The following CYYR1 variants were observed in gnomAD, a reference collection of about 807,000 sequenced individuals.
CYYR1 encodes cysteine and tyrosine rich 1.
A neutral mutation model predicts 15.2 loss-of-function variants in CYYR1; 14 were observed. The observed-to-expected ratio is 0.92, with a 90% CI of 0.61 to 1.44. The LOEUF (loss-of-function observed/expected upper bound fraction) is 1.44. Ranked by LOEUF, CYYR1 falls within the 40% of genes most tolerant of loss-of-function variation. The pLI, the probability that CYYR1 is intolerant of heterozygous loss-of-function variation, is 0.00. For synonymous variants in CYYR1, 80 were observed against 77.4 expected (o/e 1.03, Z -0.18); for missense variants, 228 against 209.5 (o/e 1.09, Z -0.54).
chr21:26,489,551 T>A (rs1303313843), intron 2 of CYYR1, among the ~76,000 whole-genome samples: 8 of 151,890 alleles, frequency 5.3e-5, no homozygotes, highest in African/African-American at 1.9e-4. Flanking sequence ...TTTATATACA[T>A]GCACATACAT....
intron 2 of CYYR1, among the ~76,000 whole-genome samples, chr21:26,495,206 C>A (rs1224482976): frequency 2.0e-5 from 3 of 152,114 alleles, no homozygotes; most frequent in Admixed American, 1.3e-4. Flanking sequence ...GATAGAGATT[C>A]TTCTGATCAC....
Position 26,480,304 on chromosome 21 carries a change from G to A in CYYR1, c.302C>T (p.Thr101Met), listed in dbSNP as rs143400859. 47 of 1,613,214 alleles carry A rather than the reference G, an allele frequency of 2.9e-5. 1 individual carries two copies. The highest frequency in any genetic ancestry group is 2.3e-4 in the African/African-American group (17 of 74,960). ...HRATRVGILRTTHINTVSSYP... is the reference protein window; with the variant it reads ...HRATRVGILRMTHINTVSSYP... ...GGAGGAGACGGTGTTGATGTGAGTC[G>A]TCCTGAGGATGCCCACGCGGGTCGC... Residue 101 changes from threonine to methionine, a missense_variant, in exon 3 of 4, where the codon ACG (threonine) becomes ATG (methionine). By Grantham distance (81) the Thr-to-Met change is moderately conservative (BLOSUM62 -1). Transcript: ENST00000652641.
At chr21:26,550,231 A>G (rs1370542228) in intron 2 of CYYR1, 1 of 152,194 alleles carries the variant, frequency 6.6e-6, no homozygotes, top group Non-Finnish European at 1.5e-5. Context: ...CTGCACCTGT[A>G]TAAGATGGTG....
chr21:26,478,244 G>T, intron 3 of CYYR1: 1 of 1,375,386 alleles, frequency 7.3e-7, no homozygotes, highest in African/African-American at 1.4e-5. Flanking sequence ...AGCACAAAGA[G>T]AATTGGGATG....
chr21:26,500,037 A>G (rs1049932168), intron 2 of CYYR1, among the ~76,000 whole-genome samples: 1 of 152,096 alleles, frequency 6.6e-6, no homozygotes, highest in Non-Finnish European at 1.5e-5. Context: ...GAAGTCCAAG[A>G]TCAAGGTGCT....
intron 2 of CYYR1, among the ~76,000 whole-genome samples, chr21:26,528,286 C>T (rs1262968178): frequency 6.6e-6 from 1 of 152,092 alleles, no homozygotes; most frequent in African/African-American, 2.4e-5. Flanking sequence ...TATGTGTCCC[C>T]TCCAAATCTC....
chr21:26,541,065 G>A (rs1039775669), intron 2 of CYYR1, among the ~76,000 whole-genome samples: 11 of 152,078 alleles, frequency 7.2e-5, no homozygotes, highest in Non-Finnish European at 1.3e-4. Context: ...TGACGTGAAG[G>A]TATCTCAATC....
At chr21:26,536,904 C>A (rs1193030542) in intron 2 of CYYR1, among the ~76,000 whole-genome samples, 3 of 152,164 alleles carry the variant, frequency 2.0e-5, no homozygotes, top group Non-Finnish European at 4.4e-5. Flanking sequence ...ATTTACTGAG[C>A]ACCTACTGTG....
chr21:26,495,830 A>G (rs1208737118), intron 2 of CYYR1, among the ~76,000 whole-genome samples: 2 of 152,196 alleles, frequency 1.3e-5, no homozygotes, highest in African/African-American at 2.4e-5. Flanking sequence ...TTAAAATGGG[A>G]TATCAAAGGG....
intron 2 of CYYR1, among the ~76,000 whole-genome samples, chr21:26,562,799 A>AACACAC (rs57351372): frequency 0.05 from 6,630 of 132,542 alleles, 337 homozygotes; most frequent in African/African-American, 0.11. Context: ...GACATACACA[A>AACACAC]ACACACACAC....
At chr21:26,496,283 A>T (rs2065402568) in intron 2 of CYYR1, among the ~76,000 whole-genome samples, 1 of 152,210 alleles carries the variant, frequency 6.6e-6, no homozygotes, top group Non-Finnish European at 1.5e-5. Flanking sequence ...TCTCAATAGA[A>T]ATTGGGTTAG....
intron 2 of CYYR1, among the ~76,000 whole-genome samples, chr21:26,562,757 CACAG>C (rs367980846): frequency 0.08 from 11,423 of 143,448 alleles, 525 homozygotes; most frequent in African/African-American, 0.12. Flanking sequence ...CACACACACA[CACAG>C]AGACATACAC....
chr21:26,537,427 G>A (rs1233040646), intron 2 of CYYR1, among the ~76,000 whole-genome samples: 1 of 152,186 alleles, frequency 6.6e-6, no homozygotes, highest in Non-Finnish European at 1.5e-5. Flanking sequence ...AAAGCTCTCA[G>A]TGCTTGGGCC....
chr21:26,471,187 AGAAT>A (rs1293505966), intron 3 of CYYR1: 7 of 152,226 alleles, frequency 4.6e-5, no homozygotes, highest in Non-Finnish European at 7.3e-5. Context: ...ATCCAAGCCA[AGAAT>A]GAAACACGGC....
At chr21:26,531,680 CT>C (rs2065932225) in intron 2 of CYYR1, among the ~76,000 whole-genome samples, 1 of 152,122 alleles carries the variant, frequency 6.6e-6, no homozygotes, top group African/African-American at 2.4e-5. Context: ...AATGAAACCT[CT>C]TTTCTTCATA....
In CYYR1 at chr21:26,573,071, C is replaced by T. The variant is rs775022750; in HGVS notation, c.-131G>A. On this transcript the variant is annotated 5_prime_UTR_variant, in exon 1 of 4. Coordinates refer to ENST00000652641, the MANE Select transcript of CYYR1 (RefSeq NM_001320768.2). Reference sequence around the variant, plus strand: ...GGTGGAGCAGAGACCCGGCCATTGCCTAGGGAGCCTTCCAAGGGAGCCCGG... The same window carrying T: ...GGTGGAGCAGAGACCCGGCCATTGCTTAGGGAGCCTTCCAAGGGAGCCCGG... 16 of 1,556,038 alleles carry T rather than the reference C, an allele frequency of 1.0e-5. 1 individual carries two copies. The highest frequency in any genetic ancestry group is 2.3e-5 in the South Asian group (2 of 85,918).
At position 26,468,338 on chromosome 21, in the gene CYYR1, A is replaced by G. The variant is rs1569134585; in HGVS notation, c.*163T>C. 1.5e-6 allele frequency: 1 copy of G among 673,250 alleles called. No individual in the cohort carries two copies. Among genetic ancestry groups the G allele is most frequent in the Non-Finnish European group, 2.7e-6 (1 of 369,514 alleles). 41.7% of individuals were successfully genotyped at this position (673,250 alleles called of 1,614,324 possible). A position where few individuals can be genotyped will look rare whatever the true frequency, so the allele number is the denominator to read the frequency against. On this transcript the variant is annotated 3_prime_UTR_variant, in exon 4 of 4. Coordinates refer to ENST00000652641, the MANE Select transcript of CYYR1 (RefSeq NM_001320768.2). ...ACTCCAGATGGGGTCAGCTTTGAGCAGAGTAGAAATCCTATATCTCCTAGC... is the reference window on the plus strand; with the variant it reads ...ACTCCAGATGGGGTCAGCTTTGAGCGGAGTAGAAATCCTATATCTCCTAGC...
chr21:26,561,594 C>T (rs1006120964), intron 2 of CYYR1, among the ~76,000 whole-genome samples: 3 of 152,244 alleles, frequency 2.0e-5, no homozygotes, highest in South Asian at 2.1e-4. Flanking sequence ...TTTAATCTCA[C>T]CAGGATCTCC....
In CYYR1 at chr21:26,562,799, A is replaced by ACACACACACAC. The variant is rs1980321214; in HGVS notation, c.176+3466_176+3467insGTGTGTGTGTG. ...ACACACACACACAGAGACATACACA[A>ACACACACACAC]ACACACACACACACACACACACACA... On this transcript the variant is annotated intron_variant, in intron 2 of 3. Transcript: ENST00000652641. Among the ~76,000 whole-genome samples, 201 of 132,602 alleles carry ACACACACACAC rather than the reference A, an allele frequency of 1.5e-3. 5 individuals are homozygous for ACACACACACAC. Among genetic ancestry groups the ACACACACACAC allele is most frequent in the Non-Finnish European group, 9.7e-4 (60 of 62,162 alleles). 87.0% of individuals were successfully genotyped at this position (132,602 alleles called of 152,430 possible). A position where few individuals can be genotyped will look rare whatever the true frequency, so the allele number is the denominator to read the frequency against.
Sources: gnomAD v4.1 joint callset for allele counts (sites outside exome capture counted in the v4.1 genomes callset) on GRCh38, gnomAD v4.1.1 for gene constraint, MANE v1.5 for transcripts, NCBI Gene and HGNC (gene_info 2026-07-23, HGNC 2026-07-21) for gene names.